The following FGF2 variants were observed in gnomAD, a reference collection of about 807,000 sequenced individuals.
The protein encoded by FGF2 is fibroblast growth factor 2.
In FGF2, 13 loss-of-function variants were observed where a neutral mutation model predicts 15.9. The ratio of observed to expected loss-of-function variants is 0.82; its 90% confidence interval spans 0.53 to 1.30. The LOEUF (loss-of-function observed/expected upper bound fraction) is 1.30. Ranked by LOEUF, FGF2 falls within the 50% of genes most tolerant of loss-of-function variation. The pLI is 0.00. For missense variants in FGF2, 163 were observed against 196.9 expected (o/e 0.83, Z 1.03); for synonymous variants, 90 against 78.4 (o/e 1.15, Z -0.78).
rs538995966 is a variant in FGF2 at position 122,891,177 on chromosome 4, A to C, written c.283-1034A>C. 1.7e-3 allele frequency among the ~76,000 whole-genome samples: 263 copies of C among 151,350 alleles called. 1 individual carries two copies. The highest frequency in any genetic ancestry group is 3.2e-3 in the Non-Finnish European group (216 of 67,778). On this transcript the variant is annotated intron_variant, in intron 2 of 2. Transcript: ENST00000644866. ...TGCCTCAGCCTCCCAAGTAGCTGGG[A>C]CTACAGGCGCCCGCCAACACGCCCG...
chr4:122,874,353 T>C (rs1476218), intron 1 of FGF2, among the ~76,000 whole-genome samples: 7,204 of 152,282 alleles, frequency 0.047, 321 homozygotes, highest in South Asian at 0.14. Context: ...ATTACATTCC[T>C]TTTACTTCGT....
Position 122,844,582 on chromosome 4 carries a change from T to TTCCTTCCTTC in FGF2, c.178+17230_178+17231insTCCTTCCTTC, listed in dbSNP as rs1560740307. On this transcript the variant is annotated intron_variant, in intron 1 of 2. Transcript: ENST00000644866. ...TTTTCTTTCTTTCTTTTTCTTTCTT[T>TTCCTTCCTTC]CTTTCTTCCTTCCTTCCTTCCTTCC... Among the ~76,000 whole-genome samples, 7 of 117,276 alleles carry TTCCTTCCTTC rather than the reference T, an allele frequency of 6.0e-5. No individual in the cohort carries two copies. The South Asian group carries it at 1.4e-3, about 24-fold the overall frequency. The allele number at this position is 117,276 out of a possible 152,430, so 76.9% of individuals were successfully genotyped here.
intron 1 of FGF2, among the ~76,000 whole-genome samples, chr4:122,846,361 C>A (rs1726108629): frequency 6.6e-6 from 1 of 152,212 alleles, no homozygotes; most frequent in African/African-American, 2.4e-5. Flanking sequence ...CACTGATAGA[C>A]TTGCTCGATG....
chr4:122,866,571 C>T (rs534373978), intron 1 of FGF2, among the ~76,000 whole-genome samples: 5 of 152,158 alleles, frequency 3.3e-5, no homozygotes, highest in East Asian at 1.9e-4. Flanking sequence ...AGCCAATAAG[C>T]ACATGAAAAG....
At chr4:122,874,079 A>C (rs1002435809) in intron 1 of FGF2, among the ~76,000 whole-genome samples, 2 of 152,228 alleles carry the variant, frequency 1.3e-5, no homozygotes, top group African/African-American at 4.8e-5. Flanking sequence ...TTGATTGATA[A>C]GGGACAGAAA....
chr4:122,881,432 T>C (rs1172276828), intron 2 of FGF2, among the ~76,000 whole-genome samples: 1 of 152,186 alleles, frequency 6.6e-6, no homozygotes, highest in Non-Finnish European at 1.5e-5. Flanking sequence ...CAAATCACAT[T>C]TTGAATGCTT....
intron 1 of FGF2, among the ~76,000 whole-genome samples, chr4:122,842,068 T>C (rs1725994739): frequency 6.6e-6 from 1 of 152,228 alleles, no homozygotes; most frequent in East Asian, 1.9e-4. Flanking sequence ...AATGTTCCTG[T>C]TGGATTCCTC....
chr4:122,873,392 T>C (rs1726778023), intron 1 of FGF2, among the ~76,000 whole-genome samples: 1 of 152,374 alleles, frequency 6.6e-6, no homozygotes, highest in Admixed American at 6.5e-5. Context: ...TAGCCTTTGG[T>C]GTGTGGTACT....
intron 2 of FGF2, among the ~76,000 whole-genome samples, chr4:122,879,300 G>A (rs1408400607): frequency 2.0e-5 from 3 of 152,220 alleles, no homozygotes; most frequent in Non-Finnish European, 4.4e-5. Flanking sequence ...TTAGTGAGAG[G>A]AAGATGAGTT....
intron 1 of FGF2, among the ~76,000 whole-genome samples, chr4:122,831,930 C>A (rs375538242): frequency 4.6e-5 from 7 of 152,296 alleles, no homozygotes; most frequent in African/African-American, 1.4e-4. Flanking sequence ...AAGAACGGTT[C>A]TTTAAATATC....
At chr4:122,859,660 A>ACG (rs1553948462) in intron 1 of FGF2, among the ~76,000 whole-genome samples, 2 of 152,118 alleles carry the variant, frequency 1.3e-5, no homozygotes, top group Admixed American at 6.5e-5. Flanking sequence ...ATATACACAC[A>ACG]CACACACACA....
intron 1 of FGF2, among the ~76,000 whole-genome samples, chr4:122,858,277 A>C (rs1726380408): frequency 6.6e-6 from 1 of 152,172 alleles, no homozygotes; most frequent in Non-Finnish European, 1.5e-5. Flanking sequence ...GAAATGTGTT[A>C]GTCATATTTG....
rs1030904029 is a variant in FGF2, at chr4:122,896,532, T to G, written c.*4136T>G. 2 of 152,176 alleles carry G rather than the reference T, an allele frequency of 1.3e-5. No homozygotes were observed. Among genetic ancestry groups the G allele is most frequent in the Non-Finnish European group, 2.9e-5 (2 of 68,044 alleles). The allele number at this position is 152,176 out of a possible 1,614,324, so 9.4% of individuals were successfully genotyped here. Reference sequence around the variant, plus strand: ...TGGATAGTGTGAGAGAATTAGGCTGTAGAACAAATGGCCTTCTCTTTCAGC... The same window carrying G: ...TGGATAGTGTGAGAGAATTAGGCTGGAGAACAAATGGCCTTCTCTTTCAGC... On this transcript the variant is annotated 3_prime_UTR_variant, in exon 3 of 3. Coordinates refer to ENST00000644866, the MANE Select transcript of FGF2 (RefSeq NM_001361665.2).
upstream of FGF2, chr4:122,826,711 C>A: frequency 8.0e-7 from 1 of 1,255,016 alleles, no homozygotes; most frequent in Non-Finnish European, 1.0e-6. Flanking sequence ...CAGAGGCCGG[C>A]CCCAGAAAAC....
chr4:122,861,747 C>T (rs45450895), intron 1 of FGF2, among the ~76,000 whole-genome samples: 1 of 152,034 alleles, frequency 6.6e-6, no homozygotes, highest in African/African-American at 2.4e-5. Flanking sequence ...CCCCATACCC[C>T]CTTCCACAAC....
intron 1 of FGF2, among the ~76,000 whole-genome samples, chr4:122,832,309 T>G (rs1725781805): frequency 6.6e-6 from 1 of 152,188 alleles, no homozygotes; most frequent in African/African-American, 2.4e-5. Context: ...TAGGCTGGAG[T>G]GCAGTGGCAC....
At chr4:122,829,354 A>T (rs1364867090) in intron 1 of FGF2, among the ~76,000 whole-genome samples, 2 of 152,174 alleles carry the variant, frequency 1.3e-5, no homozygotes, top group Admixed American at 1.3e-4. Flanking sequence ...TGCTACTGGC[A>T]TCTGGCAGGT....
intron 1 of FGF2, among the ~76,000 whole-genome samples, chr4:122,841,286 G>A (rs1725978863): frequency 6.6e-6 from 1 of 152,208 alleles, no homozygotes; most frequent in Admixed American, 6.5e-5. Context: ...CCCTCAAGGT[G>A]TAAAATATTT....
At position 122,840,868 on chromosome 4, in the gene FGF2, A is replaced by G. The variant is rs3804151; in HGVS notation, c.178+13516A>G. On this transcript the variant is annotated intron_variant, in intron 1 of 2. Coordinates refer to ENST00000644866, the MANE Select transcript of FGF2 (RefSeq NM_001361665.2). ...CTGTAAAAATCAGAAAACATAGGAA[A>G]GTTACCAGCAGATGTGTGGTTGTCA... is the stretch of plus-strand genomic sequence containing the variant. Among the ~76,000 whole-genome samples, 4 of 152,306 alleles carry G rather than the reference A, an allele frequency of 2.6e-5. No homozygotes were observed. In the East Asian group the frequency reaches 5.8e-4, roughly 22 times the overall value.
Sources: allele counts gnomAD v4.1 joint callset (sites outside exome capture counted in the v4.1 genomes callset), GRCh38; gene constraint gnomAD v4.1.1; transcripts MANE v1.5; gene names NCBI Gene and HGNC (gene_info 2026-07-23, HGNC 2026-07-21).